The following LY75 variants were observed in gnomAD, a reference collection of about 807,000 sequenced individuals.
LY75 encodes C-type lectin domain family 13 member B.
Under a neutral mutation model 231.7 loss-of-function variants are expected in LY75, and 185 were observed. That is an observed-to-expected ratio of 0.80 (90% confidence interval 0.71 to 0.90). The LOEUF (loss-of-function observed/expected upper bound fraction) is 0.90, where lower values mean the gene tolerates loss of function less well. Among genes scored for constraint, LY75 ranks in the 40% least tolerant of loss-of-function variants. The pLI is 0.00. For synonymous variants in LY75, 668 were observed against 689.0 expected, an observed-to-expected ratio of 0.97 and a Z score of 0.48; for missense variants, 1,947 against 2,050.2, an observed-to-expected ratio of 0.95 and a Z score of 0.97.
chr2:159,813,386 C>T (rs1158346275), intron 31 of LY75, among the ~76,000 whole-genome samples: 1 of 150,280 alleles, frequency 6.7e-6, no homozygotes, highest in Admixed American at 6.6e-5. Flanking sequence ...TATTCGTTTC[C>T]TTGGGCTGCC....
intron 28 of LY75, 138 bp from the exon 29 acceptor site, chr2:159,820,058 T>C (rs999399728): frequency 1.4e-6 from 1 of 707,374 alleles, no homozygotes; most frequent in Non-Finnish European, 2.0e-6. Flanking sequence ...GTATAACCCT[T>C]TAAGATATTT....
chr2:159,807,133 A>C lies in LY75; in HGVS notation c.4830T>G (p.Ser1610=). The change falls in exon 34 of 35, where the codon TCT becomes TCG. Residue 1610 remains serine (S), a synonymous_variant. Transcript: ENST00000263636. ...CTTCTGATCCATCTAACCAACTCCAAGACTGGTCTGAAGAAAGAAATTAAA... is the reference window on the plus strand; with the variant it reads ...CTTCTGATCCATCTAACCAACTCCACGACTGGTCTGAAGAAAGAAATTAAA... ...LGLSQHSVDQ[S]WSWLDGSEVT... 8 of 1,610,686 alleles carry C rather than the reference A, an allele frequency of 5.0e-6. No individual in the cohort carries two copies. Among genetic ancestry groups the C allele is most frequent in the Non-Finnish European group, 6.8e-6 (8 of 1,178,548 alleles).
intron 13 of LY75, among the ~76,000 whole-genome samples, chr2:159,866,389 C>T (rs909709564): frequency 6.6e-6 from 1 of 152,082 alleles, no homozygotes; most frequent in Non-Finnish European, 1.5e-5. Flanking sequence ...AACCTCAAGG[C>T]TTTTGGACTT....
intron 28 of LY75, among the ~76,000 whole-genome samples, chr2:159,830,264 T>A (rs1683606946): frequency 6.6e-6 from 1 of 152,086 alleles, no homozygotes; most frequent in Admixed American, 6.6e-5. Context: ...ACAGGCAGAT[T>A]TGAGTAATTT....
intron 1 of LY75, chr2:159,902,990 T>A (rs1686123603): frequency 6.6e-6 from 1 of 152,236 alleles, no homozygotes; most frequent in Non-Finnish European, 1.5e-5. Context: ...ATCACCAGCA[T>A]CATGAAGCGG....
chr2:159,885,953 CTT>C (rs1190065561), intron 5 of LY75, among the ~76,000 whole-genome samples: 1 of 152,086 alleles, frequency 6.6e-6, no homozygotes, highest in Non-Finnish European at 1.5e-5. Context: ...CCCTAAAAGA[CTT>C]TCTTTGAGGT....
chr2:159,876,502 G>T (rs567544813), intron 11 of LY75, among the ~76,000 whole-genome samples: 1 of 152,168 alleles, frequency 6.6e-6, no homozygotes, highest in African/African-American at 2.4e-5. Flanking sequence ...CTGAATGGGT[G>T]TGCTATTTTT....
At chr2:159,822,689 T>C (rs1207161794) in intron 28 of LY75, among the ~76,000 whole-genome samples, 1 of 152,150 alleles carries the variant, frequency 6.6e-6, no homozygotes, top group African/African-American at 2.4e-5. Context: ...CATCTCCCAG[T>C]AGGTGCCGAC....
intron 4 of LY75, among the ~76,000 whole-genome samples, chr2:159,889,136 A>G (rs928703894): frequency 4.6e-5 from 7 of 152,226 alleles, no homozygotes; most frequent in Non-Finnish European, 8.8e-5. Flanking sequence ...AAAGAGTTAT[A>G]GAATTTTACT....
At chr2:159,844,070 A>C (rs1260020031) in intron 23 of LY75, among the ~76,000 whole-genome samples, 2 of 152,272 alleles carry the variant, frequency 1.3e-5, no homozygotes, top group East Asian at 1.9e-4. Flanking sequence ...TCAGAATTTC[A>C]GAACACAGAA....
At chr2:159,843,248 G>A (rs1451059429) in intron 23 of LY75, among the ~76,000 whole-genome samples, 3 of 151,572 alleles carry the variant, frequency 2.0e-5, no homozygotes, top group Non-Finnish European at 4.4e-5. Flanking sequence ...AGAAGAGAGT[G>A]GACAAAACCA....
intron 4 of LY75, among the ~76,000 whole-genome samples, chr2:159,889,882 A>T (rs1408053271): frequency 6.6e-6 from 1 of 151,988 alleles, no homozygotes; most frequent in African/African-American, 2.4e-5. Context: ...CCCTTCCTTT[A>T]ATTCTCTATT....
At position 159,893,917 on chromosome 2, in the gene LY75, G is replaced by A. The variant is rs755720840; in HGVS notation, c.634C>T (p.Pro212Ser). ...YDRKWGICLK[P>S]ENGCEDNWEK... ...AAATTTACCAGCCCATACATACCAG[G>A]CTTTAAGCAGATGCCCCACTTTCGG... is the stretch of plus-strand genomic sequence containing the variant. The change falls in exon 3 of 35, where the codon CCT becomes TCT. Residue 212 changes from proline to serine, a missense_variant. Physicochemically the swap from Pro to Ser is moderately conservative, Grantham distance 74. Transcript: ENST00000263636. The A allele has an allele frequency of 1.2e-6, 2 of 1,609,814 alleles. No homozygotes were observed. Among genetic ancestry groups the A allele is most frequent in the South Asian group, 2.2e-5 (2 of 90,400 alleles).
chr2:159,834,091 T>G lies in LY75; in HGVS notation c.3794A>C (p.His1265Pro). Residue 1265 changes from histidine to proline, a missense_variant, in exon 27 of 35, where the codon CAT (histidine) becomes CCT (proline). Coordinates refer to ENST00000263636, the MANE Select transcript of LY75 (RefSeq NM_002349.4). ...CYNFIITKNR[H>P]MATTQDEVHT... Reference sequence around the variant, plus strand: ...AACTTCATCCTGTGTTGTTGCCATATGCCTATTCTTTGTTATTATGAAATT... The same window carrying G: ...AACTTCATCCTGTGTTGTTGCCATAGGCCTATTCTTTGTTATTATGAAATT... 6.2e-7 allele frequency: 1 copy of G among 1,614,036 alleles called. No homozygotes were observed. The highest frequency in any genetic ancestry group is 1.1e-5 in the South Asian group (1 of 91,080).
intron 12 of LY75, 113 bp from the exon 13 acceptor site, chr2:159,872,706 T>A: frequency 8.2e-7 from 1 of 1,216,100 alleles, no homozygotes; most frequent in South Asian, 1.5e-5. Context: ...CTTAAAGGTG[T>A]AGTGAAGGCA....
chr2:159,811,259 A>C (rs548972614), intron 31 of LY75, among the ~76,000 whole-genome samples: 1 of 152,238 alleles, frequency 6.6e-6, no homozygotes, highest in African/African-American at 2.4e-5. Flanking sequence ...AAAATAGCTA[A>C]TTTGTTTTAC....
intron 5 of LY75, 76 bp downstream of exon 5, chr2:159,886,344 A>G: frequency 7.0e-7 from 1 of 1,436,588 alleles, no homozygotes; most frequent in Admixed American, 2.4e-5. Flanking sequence ...AACTTTTCTA[A>G]GCTATTGGTG....
intron 6 of LY75, among the ~76,000 whole-genome samples, chr2:159,884,125 G>A (rs1685516881): frequency 6.6e-6 from 1 of 152,142 alleles, no homozygotes; most frequent in Admixed American, 6.5e-5. Context: ...TCCTTCACAA[G>A]CTCTCTTTCT....
rs114193042 is a variant in LY75 at position 159,877,088 on chromosome 2, T to C, written c.1774+1236A>G. On this transcript the variant is annotated intron_variant, in intron 11 of 34. Coordinates refer to ENST00000263636, the MANE Select transcript of LY75 (RefSeq NM_002349.4). Reference sequence around the variant, plus strand: ...ATGTGCTTTATCCATTAGAGTGTTCTTAATCTGAGATTTAACCAGGATCAA... The same window carrying C: ...ATGTGCTTTATCCATTAGAGTGTTCCTAATCTGAGATTTAACCAGGATCAA... Among the ~76,000 whole-genome samples, 970 of 151,902 alleles carry C rather than the reference T, an allele frequency of 6.4e-3. 14 individuals are homozygous for C. The highest frequency in any genetic ancestry group is 0.023 in the African/African-American group (937 of 41,404).
Sources: gnomAD v4.1 joint callset for allele counts (sites outside exome capture counted in the v4.1 genomes callset) on GRCh38, gnomAD v4.1.1 for gene constraint, MANE v1.5 for transcripts, NCBI Gene and HGNC (gene_info 2026-07-23, HGNC 2026-07-21) for gene names.